The following NIM1K variants were observed in gnomAD, a reference collection of about 807,000 sequenced individuals.
NIM1K encodes the protein NIM1 serine/threonine protein kinase, also known as serine/threonine-protein kinase NIM1.
In NIM1K, 35 loss-of-function variants were observed where a neutral mutation model predicts 37.1. The observed-to-expected ratio is 0.94, with a 90% confidence interval of 0.72 to 1.25. The LOEUF (loss-of-function observed/expected upper bound fraction) is 1.25. Among genes scored for constraint, NIM1K ranks in the 50% most tolerant of loss-of-function variants. The probability of loss-of-function intolerance (pLI) is 0.00; values close to 1 mark genes in which losing one functional copy is unlikely to be tolerated. For missense variants in NIM1K, 564 were observed against 548.0 expected (o/e 1.03, Z -0.29); for synonymous variants, 234 against 206.6 (o/e 1.13, Z -1.14).
intron 2 of NIM1K, among the ~76,000 whole-genome samples, chr5:43,264,126 G>A (rs997331649): frequency 6.6e-6 from 1 of 152,148 alleles, no homozygotes; most frequent in Non-Finnish European, 1.5e-5. Context: ...TTCTGTAGAC[G>A]TCTGTTAGGT....
chr5:43,239,270 C>T (rs770564795), intron 1 of NIM1K, among the ~76,000 whole-genome samples: 1 of 151,988 alleles, frequency 6.6e-6, no homozygotes, highest in South Asian at 2.1e-4. Flanking sequence ...GAGTTTCACT[C>T]TTGTTGCCCA....
intron 1 of NIM1K, among the ~76,000 whole-genome samples, chr5:43,211,610 C>T (rs965878945): frequency 2.0e-5 from 3 of 152,180 alleles, no homozygotes; most frequent in African/African-American, 7.2e-5. Flanking sequence ...ACCTCAAGTA[C>T]TTGGAGACAT....
chr5:43,255,118 G>T (rs116391562), intron 2 of NIM1K, among the ~76,000 whole-genome samples: 1 of 152,106 alleles, frequency 6.6e-6, no homozygotes, highest in African/African-American at 2.4e-5. Flanking sequence ...ATATACACTG[G>T]GCAGAAGATT....
chr5:43,241,405 C>T (rs757980149), intron 1 of NIM1K, among the ~76,000 whole-genome samples: 2 of 150,916 alleles, frequency 1.3e-5, no homozygotes, highest in Non-Finnish European at 2.9e-5. Flanking sequence ...TCTCGGCACT[C>T]GGCACTGGGT....
At chr5:43,213,588 G>A (rs1225735324) in intron 1 of NIM1K, among the ~76,000 whole-genome samples, 1 of 152,128 alleles carries the variant, frequency 6.6e-6, no homozygotes, top group African/African-American at 2.4e-5. Context: ...CCACTTCCCA[G>A]GTTCAAGTGA....
chr5:43,207,329 A>T, intron 1 of NIM1K: 3 of 768,954 alleles, frequency 3.9e-6, no homozygotes, highest in Non-Finnish European at 7.2e-6. Context: ...AAAACCAAAG[A>T]TGGTCACTAT....
intron 2 of NIM1K, among the ~76,000 whole-genome samples, chr5:43,267,094 C>T (rs1753173702): frequency 6.6e-6 from 1 of 152,092 alleles, no homozygotes; most frequent in African/African-American, 2.4e-5. Flanking sequence ...TTTTTTGTTG[C>T]TGGCAATTTC....
intron 1 of NIM1K, among the ~76,000 whole-genome samples, chr5:43,199,225 A>T (rs1751983362): frequency 7.8e-6 from 1 of 128,700 alleles, no homozygotes; most frequent in African/African-American, 2.8e-5. Context: ...ATATATATAT[A>T]TATATATATA....
intron 1 of NIM1K, among the ~76,000 whole-genome samples, chr5:43,203,060 CTTTAG>C (rs1561071599): frequency 1.3e-5 from 2 of 152,096 alleles, no homozygotes; most frequent in Non-Finnish European, 2.9e-5. Context: ...TGTTGGTAGC[CTTTAG>C]TTTTGCTCCT....
rs1286422440 is a variant in NIM1K, at chr5:43,253,224, G to A, written c.292+7157G>A. ...TATAATATAATATATGTGTGTGTGT[G>A]TGTGTGTGTGTGTGTGTGTGTGTGT... On this transcript the variant is annotated intron_variant, in intron 2 of 3. Coordinates refer to ENST00000326035, the MANE Select transcript of NIM1K (RefSeq NM_153361.4). Among the ~76,000 whole-genome samples the A allele has an allele frequency of 9.8e-4, 116 of 117,872 alleles. 1 individual carries two copies. The highest frequency in any genetic ancestry group is 2.3e-3 in the East Asian group (6 of 2,666). The allele number at this position is 117,872 out of a possible 152,430, so 77.3% of individuals were successfully genotyped here.
At chr5:43,254,608 T>C (rs567126976) in intron 2 of NIM1K, among the ~76,000 whole-genome samples, 12 of 152,310 alleles carry the variant, frequency 7.9e-5, no homozygotes, top group Admixed American at 2.6e-4. Context: ...GGAAGAAATA[T>C]TCGAGGGAGC....
At chr5:43,225,260 CAAAAAAAAAAA>C (rs10555794) in intron 1 of NIM1K, among the ~76,000 whole-genome samples, 13 of 72,710 alleles carry the variant, frequency 1.8e-4, no homozygotes, top group South Asian at 1.3e-3. Flanking sequence ...ACCCTCTTTC[CAAAAAAAAAAA>C]AAAAAAAAAA....
intron 3 of NIM1K, among the ~76,000 whole-genome samples, chr5:43,277,979 C>T (rs5015086): frequency 1 from 151,280 of 151,406 alleles, 75,577 homozygotes; most frequent in Middle Eastern, 1. Context: ...CTGCCTTCCA[C>T]CCTTCCTTCC....
intron 1 of NIM1K, among the ~76,000 whole-genome samples, chr5:43,202,941 C>T (rs1046996210): frequency 3.3e-5 from 5 of 152,192 alleles, no homozygotes; most frequent in African/African-American, 9.7e-5. Context: ...GCTCCATGTC[C>T]TGAGATTTTC....
chr5:43,279,833 T>C, intron 3 of NIM1K, 147 bp from the exon 4 acceptor site: 2 of 680,948 alleles, frequency 2.9e-6, no homozygotes, highest in Non-Finnish European at 2.5e-6. Flanking sequence ...CTAAAGGTTA[T>C]GACAGGGTTT....
chr5:43,251,759 A>G (rs1191085395), intron 2 of NIM1K, among the ~76,000 whole-genome samples: 3 of 152,228 alleles, frequency 2.0e-5, no homozygotes, highest in Non-Finnish European at 4.4e-5. Context: ...ATCATGGCCA[A>G]AAATGGTTGT....
At position 43,245,629 on chromosome 5, in the gene NIM1K, G is replaced by A. The variant is rs541443673; in HGVS notation, c.-147G>A. 37 of 733,864 alleles carry A rather than the reference G, an allele frequency of 5.0e-5. No homozygotes were observed. The highest frequency in any genetic ancestry group is 3.9e-4 in the South Asian group (18 of 46,550). The allele number at this position is 733,864 out of a possible 1,614,324, so 45.5% of individuals were successfully genotyped here. On this transcript the variant is annotated 5_prime_UTR_variant, in exon 2 of 4. Transcript: ENST00000326035. ...TCACTGCCTTCCTCTCACTAAAGCC[G>A]AGAGGGAGGCTGCTCAGCTCTCAGG... is the stretch of plus-strand genomic sequence containing the variant.
At chr5:43,267,066 A>C (rs1385392259) in intron 2 of NIM1K, among the ~76,000 whole-genome samples, 1 of 152,194 alleles carries the variant, frequency 6.6e-6, no homozygotes, top group African/African-American at 2.4e-5. Flanking sequence ...TCAGCTATGA[A>C]TCCATCTGGC....
chr5:43,208,299 A>G (rs903104383), intron 1 of NIM1K, among the ~76,000 whole-genome samples: 2 of 110,856 alleles, frequency 1.8e-5, no homozygotes, highest in Non-Finnish European at 4.4e-5. Context: ...CAAAAGAGAG[A>G]AAAAAAAAGA....
Sources: gnomAD v4.1 joint callset for allele counts (sites outside exome capture counted in the v4.1 genomes callset) on GRCh38, gnomAD v4.1.1 for gene constraint, MANE v1.5 for transcripts, NCBI Gene and HGNC (gene_info 2026-07-23, HGNC 2026-07-21) for gene names.